EPS8: variants seen among roughly 807,000 people sequenced by gnomAD.
The protein encoded by EPS8 is epidermal growth factor receptor kinase substrate 8.
EPS8 carries 42 observed loss-of-function variants against 103.8 expected under a neutral mutation model. That is an observed-to-expected ratio of 0.40 (90% confidence interval 0.32 to 0.52). The LOEUF is 0.52. Ranked by LOEUF, EPS8 falls within the 20% of genes least tolerant of loss-of-function variation. The pLI is 0.40. For missense variants in EPS8, 969 were observed against 1,005.1 expected, an observed-to-expected ratio of 0.96 and a Z score of 0.49; for synonymous variants, 344 against 344.6, an observed-to-expected ratio of 1.00 and a Z score of 0.02.
chr12:15,662,194 A>G (rs770012773), intron 8 of EPS8, 95 bp from the exon 9 acceptor site: 19 of 1,556,566 alleles, frequency 1.2e-5, no homozygotes, highest in Non-Finnish European at 1.6e-5. Flanking sequence ...AAGGAGGACC[A>G]TTTGCCAAAG....
rs11056605 is a variant in EPS8, at chr12:15,731,398, G to A, written c.-21-48426C>T. On this transcript the variant is annotated intron_variant, in intron 1 of 20. Coordinates refer to ENST00000281172, the MANE Select transcript of EPS8 (RefSeq NM_004447.6). The surrounding 1 kb of genome is among the most constrained non-coding windows in gnomAD (Gnocchi z 5.1). ...ACTGCAACCTCAGCTTCCCAGGTTC[G>A]AGCTACTCTCCTGCCTCAGATTCCC... Among the ~76,000 whole-genome samples, 1,868 of 151,958 alleles carry A rather than the reference G, an allele frequency of 0.012. 30 individuals carry two copies. The highest frequency in any genetic ancestry group is 0.037 in the African/African-American group (1,540 of 41,450).
intron 7 of EPS8, 146 bp downstream of exon 7, chr12:15,666,294 G>T: frequency 1.6e-6 from 1 of 625,324 alleles, no homozygotes; most frequent in Non-Finnish European, 2.7e-6. Context: ...TGACAAACTT[G>T]GGAGAACAAA....
chr12:15,628,246 G>T (rs1045884862), intron 18 of EPS8, among the ~76,000 whole-genome samples: 3 of 152,010 alleles, frequency 2.0e-5, no homozygotes, highest in African/African-American at 7.2e-5. Context: ...CATCTCAAAA[G>T]AATAAAAAAT....
At chr12:15,661,127 T>C (rs1343901117) in intron 9 of EPS8, among the ~76,000 whole-genome samples, 1 of 152,214 alleles carries the variant, frequency 6.6e-6, no homozygotes, top group Admixed American at 6.5e-5. Flanking sequence ...CTGACAATAT[T>C]ACTTCATGGA....
intron 3 of EPS8, among the ~76,000 whole-genome samples, chr12:15,679,225 C>T (rs946045318): frequency 1.3e-5 from 2 of 152,108 alleles, no homozygotes; most frequent in African/African-American, 4.8e-5. Context: ...CCAGAGTGAG[C>T]CAGAACAAAT....
intron 1 of EPS8, among the ~76,000 whole-genome samples, chr12:15,746,754 T>C (rs1196201378): frequency 1.3e-5 from 2 of 152,078 alleles, no homozygotes; most frequent in Admixed American, 1.3e-4. Flanking sequence ...AGCTCTGGAA[T>C]CCCTTCTATT....
chr12:15,781,087 C>T lies in EPS8; in HGVS notation c.-22+8074G>A, dbSNP rs1383747838. On this transcript the variant is annotated intron_variant, in intron 1 of 20. Transcript: ENST00000281172. The surrounding 1 kb of genome is among the most constrained non-coding windows in gnomAD (Gnocchi z 4.1). ...AACTAGCTAATGCTACCATTATTTGCTTTATTTTGTCTAATTCCCCACAAA... is the reference window on the plus strand; with the variant it reads ...AACTAGCTAATGCTACCATTATTTGTTTTATTTTGTCTAATTCCCCACAAA... 6.6e-6 allele frequency among the ~76,000 whole-genome samples: 1 copy of T among 152,058 alleles called. No homozygotes were observed. Among genetic ancestry groups the T allele is most frequent in the Non-Finnish European group, 1.5e-5 (1 of 68,006 alleles).
At chr12:15,681,585 C>G (rs1169105693) in intron 2 of EPS8, among the ~76,000 whole-genome samples, 1 of 151,642 alleles carries the variant, frequency 6.6e-6, no homozygotes, top group Admixed American at 6.6e-5. Flanking sequence ...ACAAAATTAG[C>G]CGGGCGTTGT....
chr12:15,640,967 A>G (rs1945218131), intron 16 of EPS8, 121 bp from the exon 17 acceptor site: 1 of 753,792 alleles, frequency 1.3e-6, no homozygotes, highest in East Asian at 2.6e-5. Flanking sequence ...GCATCAACAT[A>G]GTGTTGATTG....
chr12:15,679,392 A>G (rs955211219), intron 3 of EPS8, among the ~76,000 whole-genome samples: 1 of 152,176 alleles, frequency 6.6e-6, no homozygotes, highest in Non-Finnish European at 1.5e-5. Flanking sequence ...AGTTAACACC[A>G]AATTGCTTGC....
At chr12:15,644,432 C>T (rs1226769781) in intron 15 of EPS8, among the ~76,000 whole-genome samples, 2 of 152,050 alleles carry the variant, frequency 1.3e-5, no homozygotes, top group Non-Finnish European at 2.9e-5. Context: ...TGGTGGCTCA[C>T]GCCTGTAATC....
At chr12:15,658,439 T>C in intron 11 of EPS8, 58 bp downstream of exon 11, 2 of 1,142,432 alleles carry the variant, frequency 1.8e-6, no homozygotes, top group East Asian at 2.3e-5. Flanking sequence ...ACATCCTGAC[T>C]AGATTTTCAC....
rs1297099019 is a variant in EPS8 at position 15,700,321 on chromosome 12, A to C, written c.-21-17349T>G. ...TCTAAACAATTCTGAGGTGTGGCAA[A>C]CTAGTACAGTCTTTTGCAAAATAAT... On this transcript the variant is annotated intron_variant, in intron 1 of 20. Coordinates refer to ENST00000281172, the MANE Select transcript of EPS8 (RefSeq NM_004447.6). This position sits in a 1 kb window ranked among gnomAD's most constrained non-coding sequence, Gnocchi z 5.1. Among the ~76,000 whole-genome samples, 2 of 152,236 alleles carry C rather than the reference A, an allele frequency of 1.3e-5. No individual in the cohort carries two copies. Among genetic ancestry groups the C allele is most frequent in the Non-Finnish European group, 2.9e-5 (2 of 68,034 alleles).
chr12:15,667,175 A>G (rs1945728720), intron 6 of EPS8, among the ~76,000 whole-genome samples: 1 of 152,162 alleles, frequency 6.6e-6, no homozygotes, highest in African/African-American at 2.4e-5. Context: ...TCATTACTCT[A>G]TATTAGAATG....
rs1946647255 is a variant in EPS8 at position 15,725,853 on chromosome 12, G to T, written c.-21-42881C>A. 6.6e-6 allele frequency among the ~76,000 whole-genome samples: 1 copy of T among 152,180 alleles called. No homozygotes were observed. Among genetic ancestry groups the T allele is most frequent in the African/African-American group, 2.4e-5 (1 of 41,452 alleles). ...GAAATTTGTCTCACATCAGTAGGCTGCTTGATTGGTTCAAAAATAAGATGC... is the reference window on the plus strand; with the variant it reads ...GAAATTTGTCTCACATCAGTAGGCTTCTTGATTGGTTCAAAAATAAGATGC... On this transcript the variant is annotated intron_variant, in intron 1 of 20. Transcript: ENST00000281172. This position sits in a 1 kb window ranked among gnomAD's most constrained non-coding sequence, Gnocchi z 4.5.
Position 15,695,381 on chromosome 12 carries a change from G to A in EPS8, c.-21-12409C>T, listed in dbSNP as rs1946229062. 6.6e-6 allele frequency among the ~76,000 whole-genome samples: 1 copy of A among 152,158 alleles called. No homozygotes were observed. Among genetic ancestry groups the A allele is most frequent in the Non-Finnish European group, 1.5e-5 (1 of 68,040 alleles). Reference sequence around the variant, plus strand: ...CTACGTAACCAGAATGTGCCCATCAGTGCTCTCGCACAGTCCCATACAACT... The same window carrying A: ...CTACGTAACCAGAATGTGCCCATCAATGCTCTCGCACAGTCCCATACAACT... On this transcript the variant is annotated intron_variant, in intron 1 of 20. Transcript: ENST00000281172. The surrounding 1 kb of genome is among the most constrained non-coding windows in gnomAD (Gnocchi z 5.0).
In EPS8 at chr12:15,757,818, T is replaced by C. The variant is rs1947003041; in HGVS notation, c.-22+31343A>G. 6.6e-6 allele frequency among the ~76,000 whole-genome samples: 1 copy of C among 152,202 alleles called. No homozygotes were observed. Among genetic ancestry groups the C allele is most frequent in the Non-Finnish European group, 1.5e-5 (1 of 68,038 alleles). On this transcript the variant is annotated intron_variant, in intron 1 of 20. Coordinates refer to ENST00000281172, the MANE Select transcript of EPS8 (RefSeq NM_004447.6). The surrounding 1 kb of genome is among the most constrained non-coding windows in gnomAD (Gnocchi z 4.1). ...TGTGCATTAGTTATTTACTGCTCTGTAATAAATTCCTCAAAACTTAGCAGC... is the reference window on the plus strand; with the variant it reads ...TGTGCATTAGTTATTTACTGCTCTGCAATAAATTCCTCAAAACTTAGCAGC...
intron 1 of EPS8, among the ~76,000 whole-genome samples, chr12:15,770,349 A>C (rs1947141263): frequency 6.6e-6 from 1 of 151,882 alleles, no homozygotes; most frequent in African/African-American, 2.4e-5. Flanking sequence ...AAAAAATAAC[A>C]TTATTCATAC....
rs1947020070 is a variant in EPS8, at chr12:15,759,480, C to T, written c.-22+29681G>A. Among the ~76,000 whole-genome samples the T allele has an allele frequency of 6.6e-6, 1 of 152,068 alleles. No homozygotes were observed. Among genetic ancestry groups the T allele is most frequent in the Non-Finnish European group, 1.5e-5 (1 of 67,936 alleles). ...AAACCTTTATACACTAAAAAGTCTT[C>T]AGTCTCTTAAACTTCAGTAGGAAAA... On this transcript the variant is annotated intron_variant, in intron 1 of 20. Transcript: ENST00000281172. This position sits in a 1 kb window ranked among gnomAD's most constrained non-coding sequence, Gnocchi z 4.9.
Sources: allele counts gnomAD v4.1 joint callset (sites outside exome capture counted in the v4.1 genomes callset), GRCh38; gene constraint gnomAD v4.1.1; non-coding constraint Gnocchi (gnomAD v3.1); transcripts MANE v1.5; gene names NCBI Gene and HGNC (gene_info 2026-07-23, HGNC 2026-07-21).